SYNE2: variants seen among roughly 807,000 people sequenced by gnomAD.
SYNE2 encodes nesprin-2.
SYNE2 carries 431 observed loss-of-function variants against 856.3 expected under a neutral mutation model. That is an observed-to-expected ratio of 0.50 (90% CI 0.47 to 0.55). SYNE2 has a LOEUF of 0.55. Ranked by LOEUF, SYNE2 falls within the 20% of genes least tolerant of loss-of-function variation. SYNE2 has a pLI of 0.00. For synonymous variants in SYNE2, 2,923 were observed against 2,872.3 expected, an observed-to-expected ratio of 1.02 and a Z score of -0.56; for missense variants, 8,129 against 8,023.2, an observed-to-expected ratio of 1.01 and a Z score of -0.50.
chr14:64,148,313 T>C (rs1263520168), intron 84 of SYNE2, among the ~76,000 whole-genome samples: 1 of 152,146 alleles, frequency 6.6e-6, no homozygotes, highest in Non-Finnish European at 1.5e-5. Context: ...AGACCCCATC[T>C]CTAATAACAA....
chr14:63,997,526 A>G (rs1420955603), intron 25 of SYNE2, 135 bp downstream of exon 25: 6 of 787,410 alleles, frequency 7.6e-6, no homozygotes, highest in Non-Finnish European at 1.3e-5. Flanking sequence ...TTCCACTTAC[A>G]CAATGCAAAA....
At chr14:64,219,075 C>T (rs1321630475) in intron 109 of SYNE2, 133 bp from the exon 110 acceptor site, 19 of 816,936 alleles carry the variant, frequency 2.3e-5, no homozygotes, top group African/African-American at 2.1e-4. Context: ...CCAGACCCTT[C>T]TGTCAGGGGA....
rs2098158393 is a variant in SYNE2, at chr14:64,143,640, G to C, written c.15307-132G>C. The C allele has an allele frequency of 3.1e-5, 29 of 926,738 alleles. No homozygotes were observed. The South Asian group carries it at 3.7e-4, about 12-fold the overall frequency. The allele number at this position is 926,738 out of a possible 1,614,324, so 57.4% of individuals were successfully genotyped here. On this transcript the variant is annotated intron_variant, in intron 82 of 115. Transcript: ENST00000555002. ...CTCCTGGTGTAGGTTGGGGAGGGTA[G>C]AACAGAACTCCTGACAGGTGCCCCT... is the stretch of plus-strand genomic sequence containing the variant.
intron 107 of SYNE2, chr14:64,215,875 CT>C: frequency 2.5e-6 from 3 of 1,177,882 alleles, no homozygotes; most frequent in Non-Finnish European, 3.3e-6. Context: ...CCTGAGGAGC[CT>C]TTTGGTTCCC....
intron 1 of SYNE2, among the ~76,000 whole-genome samples, chr14:63,902,288 G>A (rs1025536328): frequency 1.3e-5 from 2 of 151,158 alleles, no homozygotes; most frequent in East Asian, 3.9e-4. Flanking sequence ...GTACGTGCCT[G>A]TAATCCCAGC....
chr14:64,125,364 G>A (rs2097933738), intron 71 of SYNE2, among the ~76,000 whole-genome samples, 154 bp downstream of exon 71: 1 of 152,194 alleles, frequency 6.6e-6, no homozygotes, highest in Non-Finnish European at 1.5e-5. Flanking sequence ...GATCTTGCTT[G>A]CCAACTCTAA....
At chr14:63,795,490 ATACT>A (rs2139778868) in intron 1 of SYNE2, among the ~76,000 whole-genome samples, 1 of 152,160 alleles carries the variant, frequency 6.6e-6, no homozygotes, top group African/African-American at 2.4e-5. Flanking sequence ...TTAATAGTTA[ATACT>A]TAATAAACTC....
At chr14:64,169,815 C>T (rs2098401895) in intron 93 of SYNE2, among the ~76,000 whole-genome samples, 1 of 152,168 alleles carries the variant, frequency 6.6e-6, no homozygotes, top group Non-Finnish European at 1.5e-5. Context: ...TGAGTAGCTG[C>T]AATAAAGCAT....
At chr14:63,894,288 C>T (rs2095205808) in intron 1 of SYNE2, among the ~76,000 whole-genome samples, 1 of 151,694 alleles carries the variant, frequency 6.6e-6, no homozygotes, top group African/African-American at 2.4e-5. Context: ...TCATAGCTCA[C>T]TGCAGCCCTA....
In SYNE2 at chr14:63,837,915, T is replaced by C. The variant is rs564239344; in HGVS notation, c.-304-14586T>C. 1.0e-3 allele frequency among the ~76,000 whole-genome samples: 86 copies of C among 84,304 alleles called. 2 individuals are homozygous for C. In the East Asian group the frequency reaches 0.019, roughly 19 times the overall value. 55.3% of individuals were successfully genotyped at this position (84,304 alleles called of 152,430 possible). ...GGCTGGATGACAAAGTGAGACTCTG[T>C]TTCAAAAAAAAAAAAAAAAAAAAAA... On this transcript the variant is annotated intron_variant, in intron 1 of 23. Coordinates refer to the SYNE2 transcript ENST00000674003.
intron 2 of SYNE2, among the ~76,000 whole-genome samples, chr14:63,916,063 T>A (rs2095530131): frequency 6.7e-6 from 1 of 150,188 alleles, no homozygotes; most frequent in Admixed American, 6.6e-5. Context: ...AGTCTAGATG[T>A]GCTTTTGCTT....
chr14:64,171,175 T>C (rs1041804972), intron 94 of SYNE2, among the ~76,000 whole-genome samples: 6 of 152,196 alleles, frequency 3.9e-5, no homozygotes, highest in African/African-American at 1.4e-4. Flanking sequence ...AGCACAGGAT[T>C]AGCATAGGTG....
chr14:64,031,057 G>C lies in SYNE2; in HGVS notation c.6921G>C (p.Lys2307Asn), dbSNP rs766008304. Residue 2307 changes from lysine to asparagine, a missense_variant, in exon 45 of 116, where the codon AAG becomes AAC. Coordinates refer to ENST00000555002, the MANE Select transcript of SYNE2 (RefSeq NM_182914.3). ...TCAGTTTACAAGATGGCACATTAAA[G>C]AAGATTTTAGCTTTAGCAAAATCCG... ...NRLSLQDGTL[K>N]KILALAKSVK... is the part of the protein sequence containing the mutation. The C allele has an allele frequency of 6.2e-7, 1 of 1,613,838 alleles. No homozygotes were observed. Among genetic ancestry groups the C allele is most frequent in the Non-Finnish European group, 8.5e-7 (1 of 1,179,950 alleles).
intron 1 of SYNE2, among the ~76,000 whole-genome samples, chr14:63,895,019 C>T (rs2095221584): frequency 6.6e-6 from 1 of 152,152 alleles, no homozygotes. Flanking sequence ...GAGCTTACAG[C>T]TGGGATCTAG....
chr14:64,040,298 A>G (rs1035552862), intron 45 of SYNE2, among the ~76,000 whole-genome samples: 8 of 152,214 alleles, frequency 5.3e-5, no homozygotes, highest in Non-Finnish European at 7.4e-5. Flanking sequence ...TAATGCAGCA[A>G]TCTGAAAGAT....
intron 100 of SYNE2, chr14:64,208,297 T>C (rs1269970309): frequency 1.8e-5 from 7 of 386,034 alleles, no homozygotes; most frequent in Non-Finnish European, 3.5e-5. Context: ...GGTGTGTGTT[T>C]GAAGAGTTCG....
At chr14:64,134,917 G>A (rs955090019) in intron 78 of SYNE2, among the ~76,000 whole-genome samples, 1 of 152,146 alleles carries the variant, frequency 6.6e-6, no homozygotes, top group African/African-American at 2.4e-5. Flanking sequence ...AACCTGGGAG[G>A]TGGAGGTTGC....
At chr14:63,777,844 T>C (rs1024300934) in intron 1 of SYNE2, among the ~76,000 whole-genome samples, 1 of 152,102 alleles carries the variant, frequency 6.6e-6, no homozygotes, top group Non-Finnish European at 1.5e-5. Flanking sequence ...AGTTTTTAAA[T>C]TTTTGGTAGA....
chr14:63,981,283 T>C, intron 16 of SYNE2, 110 bp downstream of exon 16: 1 of 996,644 alleles, frequency 1.0e-6, no homozygotes, highest in Admixed American at 2.1e-5. Flanking sequence ...CACCAGTGTT[T>C]TGGAAAATTC....
Sources: gnomAD v4.1 joint callset for allele counts (sites outside exome capture counted in the v4.1 genomes callset) on GRCh38, gnomAD v4.1.1 for gene constraint, MANE v1.5 for transcripts, NCBI Gene and HGNC (gene_info 2026-07-23, HGNC 2026-07-21) for gene names.